CMPK2: variants seen among roughly 807,000 people sequenced by gnomAD.
CMPK2 encodes the protein UMP-CMP kinase 2, mitochondrial.
Under a neutral mutation model 33.4 loss-of-function variants are expected in CMPK2, and 32 were observed. The observed-to-expected ratio is 0.96, with a 90% CI of 0.72 to 1.29. The LOEUF (loss-of-function observed/expected upper bound fraction) is 1.29, where lower values mean the gene tolerates loss of function less well. Among genes scored for constraint, CMPK2 ranks in the 50% most tolerant of loss-of-function variants. The pLI, the probability that CMPK2 is intolerant of heterozygous loss-of-function variation, is 0.00. For synonymous variants in CMPK2, 299 were observed against 275.3 expected, an observed-to-expected ratio of 1.09 and a Z score of -0.85; for missense variants, 672 against 616.0, an observed-to-expected ratio of 1.09 and a Z score of -0.96.
rs1016625943 is a variant in CMPK2, at chr2:6,865,033, C to A, written c.664G>T (p.Val222Phe). 1 of 1,428,444 alleles carries A rather than the reference C, an allele frequency of 7.0e-7. No individual in the cohort carries two copies. The highest frequency in any genetic ancestry group is 1.5e-5 in the South Asian group (1 of 65,904). 88.5% of individuals were successfully genotyped at this position (1,428,444 alleles called of 1,614,324 possible). A position where few individuals can be genotyped will look rare whatever the true frequency, so the allele number is the denominator to read the frequency against. Residue 222 changes from valine (V) to phenylalanine (F), a missense_variant, in exon 1 of 5, where the codon GTT (valine) becomes TTT (phenylalanine). Transcript: ENST00000256722. ...GACAGAACTCTTACCTCCTCCAAAA[C>A]GGCCCGGGCGGCTTCCCGGTCCGGG... ...VFPDREAARA[V>F]LEECTSFIPE...
intron 3 of CMPK2, among the ~76,000 whole-genome samples, chr2:6,841,862 G>A (rs1304349357): frequency 2.0e-5 from 3 of 152,094 alleles, no homozygotes; most frequent in East Asian, 3.8e-4. Context: ...ATTTCCTAAT[G>A]GTATTTAATA....
chr2:6,841,007 A>G (rs1205803655), intron 3 of CMPK2, among the ~76,000 whole-genome samples: 1 of 152,056 alleles, frequency 6.6e-6, no homozygotes, highest in Non-Finnish European at 1.5e-5. Context: ...CCACTTCCTG[A>G]GGTGTCTCTT....
At chr2:6,847,753 C>T (rs1418639345), downstream of CMPK2, among the ~76,000 whole-genome samples, 2 of 152,196 alleles carry the variant, frequency 1.3e-5, no homozygotes, top group Non-Finnish European at 2.9e-5. Context: ...ATAATATCCC[C>T]TTGACATTTC....
chr2:6,865,342 A>G lies in CMPK2; in HGVS notation c.355T>C (p.Cys119Arg). Residue 119 changes from cysteine (C) to arginine (R), a missense_variant, in exon 1 of 5, where the codon TGC becomes CGC. Physicochemically the swap from Cys to Arg is radical, Grantham distance 180. Coordinates refer to ENST00000256722, the MANE Select transcript of CMPK2 (RefSeq NM_207315.4). Reference protein sequence around the residue: ...RCQLLRLLCYCPGGQAGGAQQ... With the variant: ...RCQLLRLLCYRPGGQAGGAQQ... ...GCGCCGCCGGCCTGGCCGCCCGGGC[A>G]GTAGCAGAGCAGCCTGAGCAGCTGG... The G allele has an allele frequency of 6.7e-7, 1 of 1,483,720 alleles. No individual in the cohort carries two copies. The highest frequency in any genetic ancestry group is 8.9e-7 in the Non-Finnish European group (1 of 1,124,838). The allele number at this position is 1,483,720 out of a possible 1,614,324, so 91.9% of individuals were successfully genotyped here.
In CMPK2 at chr2:6,851,773, G is replaced by A. The variant is rs891991364; in HGVS notation, c.993-90C>T. On this transcript the variant is annotated intron_variant, in intron 3 of 4. Transcript: ENST00000256722. ...AGCAGCCAGGAATGATGAAACCAGG[G>A]TTGGCTCTACAGAAGTTTTTCTAGT... 6.5e-6 allele frequency: 8 copies of A among 1,239,088 alleles called. No individual in the cohort carries two copies. The African/African-American group carries it at 7.5e-5, about 12-fold the overall frequency. The allele number at this position is 1,239,088 out of a possible 1,614,324, so 76.8% of individuals were successfully genotyped here.
intron 2 of CMPK2, among the ~76,000 whole-genome samples, chr2:6,862,807 T>C (rs1162770671): frequency 6.6e-6 from 1 of 152,210 alleles, no homozygotes; most frequent in African/African-American, 2.4e-5. Flanking sequence ...TCTGTACCCC[T>C]CAAGTTTACA....
At chr2:6,851,381 C>A (rs1478533546) in intron 4 of CMPK2, 69 bp downstream of exon 4, 2 of 1,603,586 alleles carry the variant, frequency 1.2e-6, no homozygotes, top group African/African-American at 2.7e-5. Flanking sequence ...AATCCTAAAG[C>A]CAGTGCCAGT....
intron 2 of CMPK2, among the ~76,000 whole-genome samples, 199 bp from the exon 3 acceptor site, chr2:6,861,584 G>A (rs1299620851): frequency 1.3e-5 from 2 of 152,164 alleles, no homozygotes; most frequent in Non-Finnish European, 1.5e-5. Context: ...AAAAATTCTG[G>A]TTAGTGATCA....
chr2:6,853,820 T>C (rs567203528), intron 3 of CMPK2, among the ~76,000 whole-genome samples: 1 of 151,910 alleles, frequency 6.6e-6, no homozygotes, highest in Non-Finnish European at 1.5e-5. Flanking sequence ...GAGAATGGCG[T>C]GAACCCGGAA....
At chr2:6,852,437 G>A (rs2103219833) in intron 3 of CMPK2, among the ~76,000 whole-genome samples, 1 of 152,240 alleles carries the variant, frequency 6.6e-6, no homozygotes, top group Non-Finnish European at 1.5e-5. Context: ...CTCCTAGTCT[G>A]CACCTGCTTA....
At chr2:6,855,663 C>A (rs1274363398) in intron 3 of CMPK2, among the ~76,000 whole-genome samples, 1 of 152,152 alleles carries the variant, frequency 6.6e-6, no homozygotes, top group East Asian at 1.9e-4. Flanking sequence ...AACTTGCCAA[C>A]CTTGAAATTA....
intron 3 of CMPK2, 80 bp downstream of exon 3, chr2:6,861,096 ACACACACG>A (rs879058798): frequency 2.2e-5 from 1 of 45,764 alleles, no homozygotes; most frequent in African/African-American, 1.2e-4. Context: ...GTACGTATAC[ACACACACG>A]CACACACACA....
rs1663062054 is a variant in CMPK2, at chr2:6,865,748, G to T, written c.-52C>A. On this transcript the variant is annotated 5_prime_UTR_variant, in exon 1 of 5. Transcript: ENST00000256722. The stretch of plus-strand genomic sequence containing the variant: ...CCCCGCCTCGGAAACGAAACCTGGC[G>T]GGAGCCAGGCGCCGGCGGGAAACGA... The T allele has an allele frequency of 7.8e-7, 1 of 1,274,676 alleles. No homozygotes were observed. Among genetic ancestry groups the T allele is most frequent in the Admixed American group, 4.3e-5 (1 of 23,152 alleles). 79.0% of individuals were successfully genotyped at this position (1,274,676 alleles called of 1,614,324 possible).
chr2:6,864,892 T>C, intron 1 of CMPK2, 130 bp downstream of exon 1: 1 of 1,279,416 alleles, frequency 7.8e-7, no homozygotes, highest in Non-Finnish European at 1.0e-6. Context: ...CTTCCCTACC[T>C]GATTTGTGAA....
Position 6,865,791 on chromosome 2 carries a change from G to A in CMPK2, c.-95C>T, listed in dbSNP as rs951202292. The A allele has an allele frequency of 7.9e-7, 1 of 1,261,934 alleles. No individual in the cohort carries two copies. The highest frequency in any genetic ancestry group is 1.0e-6 in the Non-Finnish European group (1 of 1,002,852). 78.2% of individuals were successfully genotyped at this position (1,261,934 alleles called of 1,614,324 possible). On this transcript the variant is annotated 5_prime_UTR_variant, in exon 1 of 5. Transcript: ENST00000256722. Reference sequence around the variant, plus strand: ...GGAAACGAAACCCGGAGGGAGCCAGGCGCCAGCGGGAAACGAAAGCGAAGC... The same window carrying A: ...GGAAACGAAACCCGGAGGGAGCCAGACGCCAGCGGGAAACGAAAGCGAAGC...
At chr2:6,860,860 G>A (rs1164669683) in intron 3 of CMPK2, among the ~76,000 whole-genome samples, 3 of 152,022 alleles carry the variant, frequency 2.0e-5, no homozygotes, top group Non-Finnish European at 2.9e-5. Context: ...AGCTTACCTT[G>A]GCAAGTTATT....
At chr2:6,856,992 AG>A (rs1430995321) in intron 3 of CMPK2, among the ~76,000 whole-genome samples, 4 of 152,252 alleles carry the variant, frequency 2.6e-5, no homozygotes, top group Non-Finnish European at 4.4e-5. Flanking sequence ...TTCAGTAGGC[AG>A]GAGCAATCTT....
exon 4 of CMPK2, chr2:6,840,661 G>T (rs764026890): frequency 1.4e-6 from 1 of 702,182 alleles, no homozygotes; most frequent in Non-Finnish European, 2.6e-6. Context: ...ATGGTATAAG[G>T]TTCCTCCCAG....
In CMPK2 at chr2:6,851,613, C is replaced by G. The variant is rs1662527818; in HGVS notation, c.1063G>C (p.Ala355Pro). The G allele has an allele frequency of 1.2e-6, 2 of 1,614,018 alleles. No individual in the cohort carries two copies. Among genetic ancestry groups the G allele is most frequent in the African/African-American group, 1.3e-5 (1 of 74,908 alleles). The change falls in exon 4 of 5, where the codon GCC (alanine) becomes CCC (proline). Residue 355 changes from alanine (A) to proline (P), a missense_variant. Transcript: ENST00000256722. ...VSGGLQHLPP[A>P]HHPVYQWPED... Reference sequence around the variant, plus strand: ...GGCCACTGGTACACAGGGTGATGGGCTGGGGGCAGGTGCTGGAGACCCCCA... The same window carrying G: ...GGCCACTGGTACACAGGGTGATGGGGTGGGGGCAGGTGCTGGAGACCCCCA...
Sources: allele counts gnomAD v4.1 joint callset (sites outside exome capture counted in the v4.1 genomes callset), GRCh38; gene constraint gnomAD v4.1.1; transcripts MANE v1.5; gene names NCBI Gene and HGNC (gene_info 2026-07-23, HGNC 2026-07-21).